The following UNC13C variants were observed in gnomAD, a reference collection of about 807,000 sequenced individuals.
UNC13C encodes the protein protein unc-13 homolog C.
A neutral mutation model predicts 245.4 loss-of-function variants in UNC13C; 174 were observed. The observed-to-expected ratio is 0.71, with a 90% CI of 0.63 to 0.80. The LOEUF is 0.80. Among genes scored for constraint, UNC13C ranks in the 30% least tolerant of loss-of-function variants. The probability of loss-of-function intolerance (pLI) is 0.00; values close to 1 mark genes in which losing one functional copy is unlikely to be tolerated. For synonymous variants in UNC13C, 992 were observed against 895.1 expected, an observed-to-expected ratio of 1.11 and a Z score of -1.93; for missense variants, 2,829 against 2,602.9, an observed-to-expected ratio of 1.09 and a Z score of -1.89.
At chr15:54,349,348 A>G (rs1344043834) in intron 17 of UNC13C, among the ~76,000 whole-genome samples, 3 of 151,652 alleles carry the variant, frequency 2.0e-5, no homozygotes, top group Non-Finnish European at 2.9e-5. Flanking sequence ...TTCTATCACT[A>G]TATGCTTTAA....
the UNC13C span, among the ~76,000 whole-genome samples, chr15:53,875,816 G>A: frequency 6.6e-6 from 1 of 152,172 alleles, no homozygotes; most frequent in Non-Finnish European, 1.5e-5. Context: ...ACTAGGGTCT[G>A]GGCCATGCCT....
intron 30 of UNC13C, among the ~76,000 whole-genome samples, chr15:54,610,002 A>G (rs1486963509): frequency 2.6e-5 from 4 of 152,136 alleles, no homozygotes; most frequent in South Asian, 2.1e-4. Context: ...CCATGATTCA[A>G]TTACTTCCTA....
At chr15:54,309,052 C>A (rs1468731125) in intron 13 of UNC13C, among the ~76,000 whole-genome samples, 2 of 151,700 alleles carry the variant, frequency 1.3e-5, no homozygotes, top group African/African-American at 4.8e-5. Context: ...TATAATAGTT[C>A]TATTTTTAAC....
chr15:54,393,004 C>T (rs765796492), intron 17 of UNC13C, 44 bp from the exon 18 acceptor site: 4 of 1,467,520 alleles, frequency 2.7e-6, no homozygotes, highest in Admixed American at 2.5e-5. Flanking sequence ...TAAAGTCATC[C>T]CATTTAACCT....
At chr15:54,442,783 G>T (rs1261480073) in intron 19 of UNC13C, among the ~76,000 whole-genome samples, 1 of 151,926 alleles carries the variant, frequency 6.6e-6, no homozygotes, top group Non-Finnish European at 1.5e-5. Context: ...TTCATATTGT[G>T]CTGTCTTTGT....
At chr15:54,616,826 C>G (rs1006818172) in intron 30 of UNC13C, among the ~76,000 whole-genome samples, 1 of 152,030 alleles carries the variant, frequency 6.6e-6, no homozygotes, top group African/African-American at 2.4e-5. Flanking sequence ...ACTCATCACT[C>G]ACGCATTGAC....
At chr15:53,912,753 G>C in the UNC13C span, 57,761 of 142,752 alleles carry the variant, frequency 0.4, 11,027 homozygotes, top group Middle Eastern at 0.48. Context: ...CGTTTACTGG[G>C]GGGCGGCGGG....
At chr15:54,111,141 T>G (rs182640670) in intron 2 of UNC13C, among the ~76,000 whole-genome samples, 56 of 152,330 alleles carry the variant, frequency 3.7e-4, no homozygotes, top group African/African-American at 1.3e-3. Context: ...CTTTCACTTC[T>G]GACTTTACTC....
intron 19 of UNC13C, among the ~76,000 whole-genome samples, chr15:54,452,601 C>A (rs1224594775): frequency 6.6e-6 from 1 of 152,152 alleles, no homozygotes; most frequent in African/African-American, 2.4e-5. Flanking sequence ...TTGGAGAAAG[C>A]CAGGTTGGGA....
At chr15:54,526,811 C>T (rs1369905961) in intron 25 of UNC13C, among the ~76,000 whole-genome samples, 1 of 151,546 alleles carries the variant, frequency 6.6e-6, no homozygotes, top group Non-Finnish European at 1.5e-5. Context: ...CACTCATCAC[C>T]TGTTGTTGTG....
At position 54,338,506 on chromosome 15, in the gene UNC13C, G is replaced by C. The variant is rs1305240690; in HGVS notation, c.4713+17G>C. ...ACAGACCCGGTAAGAAAATATGTAT[G>C]TCTTTTATAATCGCCACTTTTGTTT... On this transcript the variant is annotated intron_variant, in intron 17 of 32. Transcript: ENST00000260323. The C allele has an allele frequency of 6.2e-7, 1 of 1,609,806 alleles. No homozygotes were observed. The highest frequency in any genetic ancestry group is 1.3e-5 in the African/African-American group (1 of 74,846).
chr15:54,231,617 T>C (rs1316822864), intron 4 of UNC13C, among the ~76,000 whole-genome samples: 1 of 152,064 alleles, frequency 6.6e-6, no homozygotes, highest in African/African-American at 2.4e-5. Context: ...ACTCTGTAAA[T>C]GTTGGGTACA....
At chr15:54,505,077 T>C (rs1894410017) in intron 22 of UNC13C, among the ~76,000 whole-genome samples, 1 of 152,174 alleles carries the variant, frequency 6.6e-6, no homozygotes, top group South Asian at 2.1e-4. Flanking sequence ...ACTTTTTGAA[T>C]AGCAGCTCTT....
At chr15:54,185,767 C>T (rs1425825412) in intron 4 of UNC13C, among the ~76,000 whole-genome samples, 1 of 150,898 alleles carries the variant, frequency 6.6e-6, no homozygotes, top group African/African-American at 2.5e-5. Context: ...CTTTTTGGTT[C>T]CATATGAACT....
intron 28 of UNC13C, among the ~76,000 whole-genome samples, chr15:54,553,896 C>A (rs1896980803): frequency 6.6e-6 from 1 of 151,878 alleles, no homozygotes; most frequent in South Asian, 2.1e-4. Flanking sequence ...TGTCTGAAAG[C>A]ATTTTCCCCT....
intron 30 of UNC13C, among the ~76,000 whole-genome samples, chr15:54,603,199 G>A (rs1170944525): frequency 1.3e-5 from 2 of 152,164 alleles, no homozygotes; most frequent in African/African-American, 4.8e-5. Context: ...TAATTGCTTT[G>A]TTTGTCTCTG....
At chr15:54,592,856 GTTT>G (rs930784490) in intron 30 of UNC13C, among the ~76,000 whole-genome samples, 1 of 103,486 alleles carries the variant, frequency 9.7e-6, no homozygotes, top group African/African-American at 3.6e-5. Context: ...TGTGTACTTT[GTTT>G]TTTGTTTTTT....
chr15:54,444,287 A>C (rs1890685273), intron 19 of UNC13C, among the ~76,000 whole-genome samples: 1 of 151,074 alleles, frequency 6.6e-6, no homozygotes, highest in Admixed American at 6.6e-5. Flanking sequence ...AAATGTATAT[A>C]TATACACAAA....
At chr15:54,065,577 T>C (rs138613702) in intron 2 of UNC13C, among the ~76,000 whole-genome samples, 53 of 152,334 alleles carry the variant, frequency 3.5e-4, no homozygotes, top group South Asian at 1.2e-3. Flanking sequence ...CACAGCTCAA[T>C]GCAGATTAGG....
Sources: gnomAD v4.1 joint callset for allele counts (sites outside exome capture counted in the v4.1 genomes callset) on GRCh38, gnomAD v4.1.1 for gene constraint, MANE v1.5 for transcripts, NCBI Gene and HGNC (gene_info 2026-07-23, HGNC 2026-07-21) for gene names.